CDH2: variants seen among roughly 807,000 people sequenced by gnomAD.
CDH2 encodes cadherin 2, also known as cadherin-2.
Under a neutral mutation model 92.0 loss-of-function variants are expected in CDH2, and 17 were observed. The observed-to-expected ratio is 0.18, with a 90% CI of 0.13 to 0.28. CDH2 has a LOEUF of 0.28. CDH2 is among the 10% of genes least tolerant of loss of function. The pLI, the probability that CDH2 is intolerant of heterozygous loss-of-function variation, is 1.00. For missense variants in CDH2, 862 were observed against 1,133.1 expected (o/e 0.76, Z 3.44); for synonymous variants, 419 against 415.9 (o/e 1.01, Z -0.09).
chr18:27,980,301 G>A (rs762207294), intron 14 of CDH2, among the ~76,000 whole-genome samples: 2 of 152,162 alleles, frequency 1.3e-5, no homozygotes, highest in Non-Finnish European at 2.9e-5. Context: ...GTTGGGTGCA[G>A]CGCTGAAGAG....
intron 14 of CDH2, among the ~76,000 whole-genome samples, chr18:27,978,995 GA>G (rs967182952): frequency 2.0e-5 from 3 of 149,688 alleles, no homozygotes; most frequent in African/African-American, 4.9e-5. Flanking sequence ...AACCATAATG[GA>G]AAAAAAATGA....
intron 2 of CDH2, among the ~76,000 whole-genome samples, chr18:28,078,910 TG>T (rs1006748011): frequency 1.3e-5 from 2 of 152,198 alleles, no homozygotes; most frequent in African/African-American, 4.8e-5. Flanking sequence ...ATTTTTCCTC[TG>T]GACATTAATA....
intron 5 of CDH2, 76 bp downstream of exon 5, chr18:28,009,641 T>TA: frequency 7.5e-7 from 1 of 1,330,064 alleles, no homozygotes; most frequent in Non-Finnish European, 1.0e-6. Context: ...TTCAGACTGA[T>TA]ATAAGAGGCA....
chr18:28,155,879 C>G (rs1330850845), intron 1 of CDH2, among the ~76,000 whole-genome samples: 1 of 152,196 alleles, frequency 6.6e-6, no homozygotes, highest in Non-Finnish European at 1.5e-5. Flanking sequence ...TACTGCCACT[C>G]TTCAAGATTT....
intron 7 of CDH2, among the ~76,000 whole-genome samples, chr18:27,998,505 C>G (rs1415468785): frequency 6.6e-6 from 1 of 152,174 alleles, no homozygotes. Flanking sequence ...CGTGAGTGCC[C>G]TCTAAGATGG....
chr18:28,162,269 C>A (rs1189290262), intron 1 of CDH2, among the ~76,000 whole-genome samples: 1 of 152,198 alleles, frequency 6.6e-6, no homozygotes, highest in Non-Finnish European at 1.5e-5. Context: ...CTCAGGCCCA[C>A]TAGGATGTCT....
At chr18:28,102,944 G>A (rs988292077) in intron 2 of CDH2, among the ~76,000 whole-genome samples, 2 of 151,612 alleles carry the variant, frequency 1.3e-5, no homozygotes, top group African/African-American at 4.8e-5. Flanking sequence ...TAAATTTGAA[G>A]TCAGGTGAAG....
chr18:28,036,563 A>G, intron 2 of CDH2: 1 of 1,575,530 alleles, frequency 6.3e-7, no homozygotes, highest in Non-Finnish European at 8.7e-7. Context: ...TCAAGTTTCC[A>G]TTTCCCATAA....
At chr18:28,115,072 C>A (rs2015474839) in intron 2 of CDH2, among the ~76,000 whole-genome samples, 1 of 152,094 alleles carries the variant, frequency 6.6e-6, no homozygotes, top group African/African-American at 2.4e-5. Context: ...ACGTTTCTTG[C>A]CTACAGAAAT....
chr18:27,966,879 TAA>T (rs958579874), intron 14 of CDH2, among the ~76,000 whole-genome samples: 5 of 150,558 alleles, frequency 3.3e-5, no homozygotes, highest in African/African-American at 1.2e-4. Flanking sequence ...AAGTTCCCAC[TAA>T]AAAAAAAGTG....
At chr18:28,129,682 G>A (rs2015734000) in intron 2 of CDH2, among the ~76,000 whole-genome samples, 1 of 152,116 alleles carries the variant, frequency 6.6e-6, no homozygotes, top group East Asian at 1.9e-4. Context: ...TAAAAAATTA[G>A]TTGGGTGTGG....
chr18:28,013,473 T>TAAA (rs774077512), intron 3 of CDH2, among the ~76,000 whole-genome samples: 6 of 152,248 alleles, frequency 3.9e-5, no homozygotes, highest in Non-Finnish European at 8.8e-5. Flanking sequence ...AACAAATCTT[T>TAAA]AAAATACAAT....
intron 14 of CDH2, among the ~76,000 whole-genome samples, chr18:27,977,403 A>C (rs937956771): frequency 4.0e-5 from 6 of 151,710 alleles, no homozygotes; most frequent in African/African-American, 1.2e-4. Flanking sequence ...GGCACCTCTT[A>C]GTTATTTTGT....
chr18:27,956,727 G>A (rs1417122083), intron 15 of CDH2, among the ~76,000 whole-genome samples: 1 of 152,124 alleles, frequency 6.6e-6, no homozygotes, highest in Non-Finnish European at 1.5e-5. Flanking sequence ...CCTTCCAAAT[G>A]AAAGAGTTCC....
intron 2 of CDH2, among the ~76,000 whole-genome samples, chr18:28,094,958 T>C (rs1025377587): frequency 1.3e-5 from 2 of 152,176 alleles, no homozygotes; most frequent in African/African-American, 2.4e-5. Flanking sequence ...AAAGAATTTA[T>C]AACATGTTAT....
At chr18:28,079,863 A>AT (rs34005610) in intron 2 of CDH2, among the ~76,000 whole-genome samples, 1 of 152,136 alleles carries the variant, frequency 6.6e-6, no homozygotes, top group African/African-American at 2.4e-5. Flanking sequence ...GACTTAACTG[A>AT]TTTTTTTAGA....
chr18:28,165,683 G>A (rs2016367401), intron 1 of CDH2, among the ~76,000 whole-genome samples: 2 of 151,218 alleles, frequency 1.3e-5, no homozygotes, highest in South Asian at 4.2e-4. Flanking sequence ...GGGAACCAAT[G>A]CAAATCTGGC....
chr18:28,020,314 T>C (rs936770171), intron 2 of CDH2, among the ~76,000 whole-genome samples: 1 of 152,098 alleles, frequency 6.6e-6, no homozygotes, highest in African/African-American at 2.4e-5. Flanking sequence ...ATTTATAAGT[T>C]ATATATTTTT....
At chr18:28,160,839 T>C (rs2016296001) in intron 1 of CDH2, among the ~76,000 whole-genome samples, 1 of 152,194 alleles carries the variant, frequency 6.6e-6, no homozygotes, top group African/African-American at 2.4e-5. Flanking sequence ...GGAGGTTGTT[T>C]AGCACTTCCT....
Sources: gnomAD v4.1 joint callset for allele counts (sites outside exome capture counted in the v4.1 genomes callset) on GRCh38, gnomAD v4.1.1 for gene constraint, MANE v1.5 for transcripts, NCBI Gene and HGNC (gene_info 2026-07-23, HGNC 2026-07-21) for gene names.